The following GRM5 variants were observed in gnomAD, a reference collection of about 807,000 sequenced individuals.
The protein encoded by GRM5 is glutamate metabotropic receptor 5.
GRM5 carries 19 observed loss-of-function variants against 83.1 expected under a neutral mutation model. The observed-to-expected ratio is 0.23, with a 90% CI of 0.16 to 0.34. GRM5 has a LOEUF of 0.34. GRM5 is among the 10% of genes least tolerant of loss of function. The pLI, the probability that GRM5 is intolerant of heterozygous loss-of-function variation, is 1.00. For missense variants in GRM5, 1,160 were observed against 1,588.3 expected (o/e 0.73, Z 4.58); for synonymous variants, 675 against 633.6 (o/e 1.07, Z -0.98).
At chr11:88,725,723 G>A (rs1248952625) in intron 3 of GRM5, among the ~76,000 whole-genome samples, 3 of 152,146 alleles carry the variant, frequency 2.0e-5, no homozygotes, top group African/African-American at 7.2e-5. Flanking sequence ...TGCAGCCTTT[G>A]CTGGTAATAC....
At chr11:88,834,862 T>C (rs757236933) in intron 3 of GRM5, among the ~76,000 whole-genome samples, 1 of 152,196 alleles carries the variant, frequency 6.6e-6, no homozygotes, top group Non-Finnish European at 1.5e-5. Context: ...GCTGGCTTAC[T>C]TGCAGAGAAA....
intron 2 of GRM5, among the ~76,000 whole-genome samples, chr11:88,900,815 C>T (rs1945301763): frequency 6.6e-6 from 1 of 152,060 alleles, no homozygotes; most frequent in South Asian, 2.1e-4. Flanking sequence ...AGCATCTGTC[C>T]CGCAGTACAG....
chr11:88,568,668 T>G (rs1942921537), intron 7 of GRM5, among the ~76,000 whole-genome samples: 1 of 152,142 alleles, frequency 6.6e-6, no homozygotes, highest in Admixed American at 6.5e-5. Flanking sequence ...TTGGATGAGA[T>G]AAAGGTGTGC....
chr11:89,039,148 C>A (rs1202144905), intron 2 of GRM5, among the ~76,000 whole-genome samples: 1 of 151,706 alleles, frequency 6.6e-6, no homozygotes, highest in Non-Finnish European at 1.5e-5. Context: ...ACCTGTAATC[C>A]CAGCTACTCG....
intron 4 of GRM5, among the ~76,000 whole-genome samples, chr11:88,652,929 AT>A (rs1939669952): frequency 6.6e-6 from 1 of 152,058 alleles, no homozygotes; most frequent in South Asian, 2.1e-4. Context: ...AATACATTCA[AT>A]TTTTTGAATG....
At chr11:88,990,381 AC>A (rs1939922483) in intron 2 of GRM5, among the ~76,000 whole-genome samples, 1 of 150,380 alleles carries the variant, frequency 6.6e-6, no homozygotes, top group Non-Finnish European at 1.5e-5. Flanking sequence ...TAGCTTACCA[AC>A]CAAAAAGAGT....
At chr11:88,853,608 G>A (rs1165749307) in intron 2 of GRM5, among the ~76,000 whole-genome samples, 1 of 151,794 alleles carries the variant, frequency 6.6e-6, no homozygotes, top group Non-Finnish European at 1.5e-5. Flanking sequence ...TTAGAGATAT[G>A]GAGGTGAAAA....
intron 3 of GRM5, among the ~76,000 whole-genome samples, chr11:88,790,600 G>A (rs1284963347): frequency 1.3e-5 from 2 of 152,074 alleles, no homozygotes; most frequent in South Asian, 2.1e-4. Context: ...TATGAGGCTC[G>A]ATGTATGTGA....
At chr11:89,020,376 C>G (rs1940951793) in intron 2 of GRM5, among the ~76,000 whole-genome samples, 3 of 152,228 alleles carry the variant, frequency 2.0e-5, no homozygotes, top group Non-Finnish European at 4.4e-5. Context: ...AGGAAACATT[C>G]TTAAGCTAAG....
intron 2 of GRM5, among the ~76,000 whole-genome samples, chr11:88,890,628 G>C (rs1310293473): frequency 6.6e-6 from 1 of 152,026 alleles, no homozygotes; most frequent in South Asian, 2.1e-4. Context: ...CAAATAGGTG[G>C]TCTAAATCGT....
At chr11:88,649,752 AG>A (rs138699183) in intron 4 of GRM5, among the ~76,000 whole-genome samples, 1,522 of 151,800 alleles carry the variant, frequency 0.01, 21 homozygotes, top group African/African-American at 0.035. Flanking sequence ...AAATGTTCTA[AG>A]AAAAATATAC....
At position 88,508,977 on chromosome 11, in the gene GRM5, G is replaced by A. The variant is rs756295816; in HGVS notation, c.3254C>T (p.Pro1085Leu). 1.9e-6 allele frequency: 3 copies of A among 1,585,064 alleles called. No individual in the cohort carries two copies. Among genetic ancestry groups the A allele is most frequent in the Non-Finnish European group, 2.6e-6 (3 of 1,165,490 alleles). Residue 1085 changes from proline (P) to leucine (L), a missense_variant, in exon 10 of 10, where the codon CCC becomes CTC. Coordinates refer to ENST00000305447, the MANE Select transcript of GRM5 (RefSeq NM_001143831.3). The surrounding 1 kb of genome is among the most constrained non-coding windows in gnomAD (Gnocchi z 4.2). Reference protein sequence around the residue: ...LNSMMLSTAAPSPGVGAPLCS... With the variant: ...LNSMMLSTAALSPGVGAPLCS... ...GAGCGGGGCGCCGACGCCGGGGCTGGGGGCCGCGGTGGACAGCATCATGGA... is the reference window on the plus strand; with the variant it reads ...GAGCGGGGCGCCGACGCCGGGGCTGAGGGCCGCGGTGGACAGCATCATGGA...
rs538158600 is a variant in GRM5 at position 88,755,147 on chromosome 11, G to T, written c.911+94759C>A. On this transcript the variant is annotated intron_variant, in intron 3 of 9. Coordinates refer to ENST00000305447, the MANE Select transcript of GRM5 (RefSeq NM_001143831.3). ...AGAAACTGAAGCAAATGTGTATTTA[G>T]ATGTTTCAATAAGGCATTTGGAAAT... Among the ~76,000 whole-genome samples, 9 of 152,238 alleles carry T rather than the reference G, an allele frequency of 5.9e-5. No individual in the cohort carries two copies. The East Asian group carries it at 1.7e-3, about 29-fold the overall frequency.
chr11:88,737,736 T>C (rs1357611426), intron 3 of GRM5, among the ~76,000 whole-genome samples: 1 of 152,098 alleles, frequency 6.6e-6, no homozygotes, highest in African/African-American at 2.4e-5. Context: ...CAGGCTCATC[T>C]TGGCCATAGA....
intron 3 of GRM5, among the ~76,000 whole-genome samples, chr11:88,797,348 A>T (rs888743540): frequency 6.6e-6 from 1 of 151,962 alleles, no homozygotes; most frequent in Admixed American, 6.6e-5. Flanking sequence ...CACCATGTTG[A>T]TCAGGCTGGT....
At chr11:88,558,044 A>G (rs555582083) in intron 8 of GRM5, among the ~76,000 whole-genome samples, 1 of 151,982 alleles carries the variant, frequency 6.6e-6, no homozygotes, top group East Asian at 1.9e-4. Context: ...GATCTCCCCC[A>G]CTACTCTGTG....
In GRM5 at chr11:89,042,612, T is replaced by A. The variant is rs1354023974; in HGVS notation, c.661+4600A>T. On this transcript the variant is annotated intron_variant, in intron 2 of 9. Coordinates refer to ENST00000305447, the MANE Select transcript of GRM5 (RefSeq NM_001143831.3). Reference sequence around the variant, plus strand: ...CAATTCCTGGAGAAACAAAATAAAGTCCTTTTAAAAATTATTCAGTAGCTT... The same window carrying A: ...CAATTCCTGGAGAAACAAAATAAAGACCTTTTAAAAATTATTCAGTAGCTT... 4.6e-5 allele frequency among the ~76,000 whole-genome samples: 7 copies of A among 152,170 alleles called. No homozygotes were observed. The South Asian group carries it at 1.2e-3, about 27-fold the overall frequency.
At chr11:88,950,989 G>A (rs1938442515) in intron 2 of GRM5, among the ~76,000 whole-genome samples, 1 of 152,136 alleles carries the variant, frequency 6.6e-6, no homozygotes, top group Non-Finnish European at 1.5e-5. Context: ...ACCAAGACTA[G>A]AAACCAGAAA....
intron 3 of GRM5, among the ~76,000 whole-genome samples, chr11:88,835,220 C>G (rs1019543468): frequency 4.6e-5 from 7 of 152,088 alleles, no homozygotes; most frequent in African/African-American, 1.4e-4. Flanking sequence ...CGTGATAAAC[C>G]TGATACATAA....
Sources: allele counts gnomAD v4.1 joint callset (sites outside exome capture counted in the v4.1 genomes callset), GRCh38; gene constraint gnomAD v4.1.1; non-coding constraint Gnocchi (gnomAD v3.1); transcripts MANE v1.5; gene names NCBI Gene and HGNC (gene_info 2026-07-23, HGNC 2026-07-21).